SUMF1: variants seen among roughly 807,000 people sequenced by gnomAD.
The protein encoded by SUMF1 is formylglycine-generating enzyme.
Under a neutral mutation model 47.6 loss-of-function variants are expected in SUMF1, and 48 were observed. The ratio of observed to expected loss-of-function variants is 1.01; its 90% confidence interval spans 0.80 to 1.28. SUMF1 has a LOEUF of 1.28. SUMF1 is among the 50% of genes most tolerant of loss of function. The pLI is 0.00. For missense variants in SUMF1, 571 were observed against 485.4 expected, an observed-to-expected ratio of 1.18 and a Z score of -1.66; for synonymous variants, 230 against 192.1, an observed-to-expected ratio of 1.20 and a Z score of -1.63.
intron 7 of SUMF1, among the ~76,000 whole-genome samples, chr3:4,398,517 A>G (rs990705217): frequency 6.6e-6 from 1 of 152,212 alleles, no homozygotes; most frequent in Admixed American, 6.5e-5. Flanking sequence ...GAGTCATACT[A>G]TGACATGGGG....
At chr3:4,355,917 C>T (rs558745541) in intron 8 of SUMF1, among the ~76,000 whole-genome samples, 3 of 152,182 alleles carry the variant, frequency 2.0e-5, no homozygotes, top group Non-Finnish European at 4.4e-5. Flanking sequence ...TGAAAAATTC[C>T]GCCCCCTTGG....
intron 8 of SUMF1, among the ~76,000 whole-genome samples, chr3:4,312,236 C>CATAT (rs1254124713): frequency 6.6e-6 from 1 of 151,972 alleles, no homozygotes; most frequent in African/African-American, 2.4e-5. Flanking sequence ...AATTAAAATA[C>CATAT]ATATATGCAT....
At chr3:4,375,873 C>T (rs534205206) in intron 8 of SUMF1, among the ~76,000 whole-genome samples, 1 of 152,176 alleles carries the variant, frequency 6.6e-6, no homozygotes, top group Non-Finnish European at 1.5e-5. Flanking sequence ...GCTTATTTCA[C>T]AAGGCACACT....
chr3:4,253,778 C>G (rs906207423), intron 8 of SUMF1, among the ~76,000 whole-genome samples: 5 of 146,238 alleles, frequency 3.4e-5, no homozygotes, highest in African/African-American at 7.8e-5. Context: ...AGGAGGCCTG[C>G]CTGCCTCTGT....
chr3:4,385,760 C>T (rs1700651731), intron 7 of SUMF1, among the ~76,000 whole-genome samples: 1 of 152,058 alleles, frequency 6.6e-6, no homozygotes, highest in African/African-American at 2.4e-5. Flanking sequence ...TAGAGTTTTG[C>T]AGTTTAAATT....
At chr3:4,060,945 C>T (rs549358463) in intron 9 of SUMF1, among the ~76,000 whole-genome samples, 61 of 152,280 alleles carry the variant, frequency 4.0e-4, no homozygotes, top group African/African-American at 1.3e-3. Flanking sequence ...AAGATGACCT[C>T]TGAGGTCCTT....
At chr3:4,083,605 C>A (rs1462207340) in intron 8 of SUMF1, among the ~76,000 whole-genome samples, 3 of 152,246 alleles carry the variant, frequency 2.0e-5, no homozygotes, top group Non-Finnish European at 2.9e-5. Context: ...AAGGAAAGCA[C>A]ATTCCATCCA....
intron 8 of SUMF1, among the ~76,000 whole-genome samples, chr3:4,136,989 T>C (rs184762831): frequency 0.031 from 4,730 of 152,126 alleles, 242 homozygotes; most frequent in African/African-American, 0.11. Context: ...CCGGAGGGGA[T>C]GTGGAGAAAT....
intron 2 of SUMF1, among the ~76,000 whole-genome samples, chr3:4,450,182 G>A (rs887162537): frequency 5.9e-5 from 9 of 152,162 alleles, no homozygotes; most frequent in Non-Finnish European, 8.8e-5. Flanking sequence ...AGGTCAAGGA[G>A]TCTGTGTGTG....
In SUMF1 at chr3:4,186,673, C is replaced by T. The variant is rs149541769; in HGVS notation, c.1015-117928G>A. Among the ~76,000 whole-genome samples the T allele has an allele frequency of 2.0e-5, 3 of 152,134 alleles. No homozygotes were observed. In the East Asian group the frequency reaches 5.8e-4, roughly 29 times the overall value. ...GTGTTCATAAGCAGTATTTATTATA[C>T]CCAAATTTTGGCTTGCATACTAACT... On this transcript the variant is annotated intron_variant and NMD_transcript_variant, in intron 8 of 12. Transcript: ENST00000448413.
At chr3:4,107,659 C>A (rs908087776) in intron 8 of SUMF1, among the ~76,000 whole-genome samples, 2 of 151,982 alleles carry the variant, frequency 1.3e-5, no homozygotes, top group South Asian at 4.2e-4. Flanking sequence ...CCTATTAAAG[C>A]GCAAATATCA....
At chr3:4,325,393 C>G (rs1365434035) in intron 8 of SUMF1, among the ~76,000 whole-genome samples, 1 of 151,556 alleles carries the variant, frequency 6.6e-6, no homozygotes, top group Non-Finnish European at 1.5e-5. Flanking sequence ...AAAAAAAGAC[C>G]AAAAACAGAA....
At chr3:4,280,926 C>T (rs1436670370) in intron 8 of SUMF1, among the ~76,000 whole-genome samples, 1 of 150,788 alleles carries the variant, frequency 6.6e-6, no homozygotes, top group Non-Finnish European at 1.5e-5. Context: ...GGATTAGGGC[C>T]CATCCTAATA....
chr3:4,090,594 A>G (rs1692764146), intron 8 of SUMF1, among the ~76,000 whole-genome samples: 1 of 152,096 alleles, frequency 6.6e-6, no homozygotes, highest in South Asian at 2.1e-4. Context: ...GAATATACAG[A>G]TGCCTGACAA....
intron 3 of SUMF1, among the ~76,000 whole-genome samples, chr3:4,425,668 T>A (rs902872358): frequency 2.0e-5 from 3 of 152,204 alleles, no homozygotes; most frequent in African/African-American, 7.2e-5. Context: ...CATCTACACA[T>A]AAACTAACCC....
intron 8 of SUMF1, among the ~76,000 whole-genome samples, chr3:4,370,359 C>T (rs1700132101): frequency 6.6e-6 from 1 of 152,162 alleles, no homozygotes; most frequent in Non-Finnish European, 1.5e-5. Context: ...ATGGTAATAG[C>T]CCTGCCAGCA....
intron 8 of SUMF1, among the ~76,000 whole-genome samples, chr3:4,246,039 G>C (rs944485912): frequency 6.6e-6 from 1 of 152,172 alleles, no homozygotes; most frequent in East Asian, 1.9e-4. Context: ...AGCGAGCAAG[G>C]CTCCGTGGGT....
intron 8 of SUMF1, among the ~76,000 whole-genome samples, chr3:4,308,040 C>T (rs1698259866): frequency 6.6e-6 from 1 of 152,008 alleles, no homozygotes; most frequent in African/African-American, 2.4e-5. Flanking sequence ...AAAAAAAAAT[C>T]CCATTCTCCG....
At chr3:4,146,760 C>T (rs578062352) in intron 8 of SUMF1, among the ~76,000 whole-genome samples, 93 of 145,514 alleles carry the variant, frequency 6.4e-4, no homozygotes, top group Admixed American at 3.4e-3. Flanking sequence ...CTGTTCAATT[C>T]CCACCTATGA....
Sources: gnomAD v4.1 joint callset for allele counts (sites outside exome capture counted in the v4.1 genomes callset) on GRCh38, gnomAD v4.1.1 for gene constraint, MANE v1.5 for transcripts, NCBI Gene and HGNC (gene_info 2026-07-23, HGNC 2026-07-21) for gene names.